SHANK2: variants seen among roughly 807,000 people sequenced by gnomAD.
SHANK2 encodes SH3 and multiple ankyrin repeat domains 2, also known as SH3 and multiple ankyrin repeat domains protein 2.
In SHANK2, 43 loss-of-function variants were observed where a neutral mutation model predicts 133.7. That is an observed-to-expected ratio of 0.32 (90% CI 0.25 to 0.41). SHANK2 has a LOEUF of 0.41. SHANK2 is among the 10% of genes least tolerant of loss of function. The probability of loss-of-function intolerance (pLI) is 1.00; values close to 1 mark genes in which losing one functional copy is unlikely to be tolerated. For synonymous variants in SHANK2, 1,017 were observed against 952.8 expected (o/e 1.07, Z -1.24); for missense variants, 1,994 against 2,235.8 (o/e 0.89, Z 2.18).
intron 11 of SHANK2, among the ~76,000 whole-genome samples, chr11:70,823,451 A>G (rs1209991127): frequency 2.5e-4 from 20 of 79,404 alleles, no homozygotes; most frequent in South Asian, 5.1e-4. Flanking sequence ...CAGAGGTCAT[A>G]GGGGACAGAG....
chr11:71,120,702 C>A (rs79439965), intron 3 of SHANK2, among the ~76,000 whole-genome samples: 1 of 152,192 alleles, frequency 6.6e-6, no homozygotes, highest in Non-Finnish European at 1.5e-5. Flanking sequence ...GCACCCTCCC[C>A]CATCCTTGGC....
intron 3 of SHANK2, among the ~76,000 whole-genome samples, chr11:71,137,045 T>A (rs868973419): frequency 6.6e-6 from 1 of 152,184 alleles, no homozygotes. Flanking sequence ...GTATTTTTAG[T>A]AGAGACTGGA....
intron 14 of SHANK2, among the ~76,000 whole-genome samples, chr11:70,727,553 G>A (rs1946201823): frequency 6.6e-6 from 1 of 152,182 alleles, no homozygotes; most frequent in African/African-American, 2.4e-5. Flanking sequence ...TGGTATTCTG[G>A]CCCTATTGCT....
At position 70,487,399 on chromosome 11, in the gene SHANK2, T is replaced by C; in HGVS notation, c.2894A>G (p.Asp965Gly). 6.2e-7 allele frequency: 1 copy of C among 1,613,962 alleles called. No individual in the cohort carries two copies. The highest frequency in any genetic ancestry group is 8.5e-7 in the Non-Finnish European group (1 of 1,180,000). ...CGGGCCGGCATTCCGACTGTAGAGG[T>C]CTTCAGAGTCCAAGGAGTAGCGGTC... ...ELDRYSLDSE[D>G]LYSRNAGPQA... is the part of the protein sequence containing the mutation. The change falls in exon 25 of 26, where the codon GAC (aspartate) becomes GGC (glycine). Residue 965 changes from aspartate to glycine, a missense_variant. Asp to Gly is a moderately conservative substitution (Grantham distance 94). This residue lies in a region of SHANK2 where 488 missense variants were observed against 642.6 expected (regional missense o/e 0.76). Coordinates refer to ENST00000601538, the MANE Select transcript of SHANK2 (RefSeq NM_012309.5). The surrounding 1 kb of genome is among the most constrained non-coding windows in gnomAD (Gnocchi z 5.8).
chr11:70,598,982 T>TTTTTTTAAGAAA (rs2060438913), intron 17 of SHANK2, among the ~76,000 whole-genome samples: 1 of 150,300 alleles, frequency 6.7e-6, no homozygotes, highest in Non-Finnish European at 1.5e-5. Flanking sequence ...TTTTTTTTTT[T>TTTTTTTAAGAAA]AAAGATCAAG....
chr11:70,900,407 A>G (rs192725439), intron 10 of SHANK2, among the ~76,000 whole-genome samples: 1 of 152,224 alleles, frequency 6.6e-6, no homozygotes, highest in Admixed American at 6.5e-5. Context: ...GTCTTCAAAC[A>G]CTGCAGACTG....
chr11:70,869,693 G>C (rs537478047), intron 11 of SHANK2, among the ~76,000 whole-genome samples: 1 of 152,122 alleles, frequency 6.6e-6, no homozygotes, highest in East Asian at 1.9e-4. Context: ...CCCTGGGCTC[G>C]GTGACCACCG....
chr11:71,243,641 G>A (rs192546306), intron 1 of SHANK2, among the ~76,000 whole-genome samples: 55 of 152,292 alleles, frequency 3.6e-4, no homozygotes, highest in Admixed American at 2.2e-3. Context: ...CTTGCAGTGA[G>A]CTGAGATCAC....
intron 11 of SHANK2, among the ~76,000 whole-genome samples, chr11:70,825,196 T>G (rs1320179460): frequency 6.6e-6 from 1 of 152,128 alleles, no homozygotes; most frequent in Non-Finnish European, 1.5e-5. Context: ...GTCCTGGCAG[T>G]TGCTAAGATA....
rs187184983 is a variant in SHANK2 at position 70,540,404 on chromosome 11, A to G, written c.2062-37473T>C. On this transcript the variant is annotated intron_variant, in intron 17 of 25. Coordinates refer to ENST00000601538, the MANE Select transcript of SHANK2 (RefSeq NM_012309.5). ...TCCCTCCTGTGGAGTCGAGGTGATG[A>G]AGGCAGGCTGGGGCTCCTCTCTCCT... Among the ~76,000 whole-genome samples, 505 of 152,066 alleles carry G rather than the reference A, an allele frequency of 3.3e-3. 6 individuals carry two copies. Among genetic ancestry groups the G allele is most frequent in the African/African-American group, 0.012 (483 of 41,494 alleles).
intron 17 of SHANK2, 44 bp from the exon 18 acceptor site, chr11:70,502,975 G>GA: frequency 6.2e-7 from 1 of 1,611,612 alleles, no homozygotes; most frequent in Non-Finnish European, 8.5e-7. Context: ...AGCCAGCGGA[G>GA]AGGAAGACAG....
chr11:70,885,323 C>T (rs913050916), intron 11 of SHANK2, among the ~76,000 whole-genome samples: 18 of 152,120 alleles, frequency 1.2e-4, no homozygotes, highest in East Asian at 1.9e-4. Context: ...TGCCCAGGAC[C>T]GGGGAGCAAA....
chr11:70,876,836 G>T (rs1230862936), intron 11 of SHANK2, among the ~76,000 whole-genome samples: 1 of 152,140 alleles, frequency 6.6e-6, no homozygotes, highest in South Asian at 2.1e-4. Context: ...ATCAGAAGGG[G>T]CCAGCATGCT....
intron 11 of SHANK2, chr11:70,826,667 G>A (rs1025584058): frequency 5.2e-6 from 2 of 383,478 alleles, no homozygotes; most frequent in African/African-American, 2.1e-5. Context: ...GGGCATGCCA[G>A]ACCCAGCGTG....
intron 17 of SHANK2, among the ~76,000 whole-genome samples, chr11:70,574,649 AC>A (rs1195881465): frequency 7.7e-6 from 1 of 129,528 alleles, no homozygotes; most frequent in African/African-American, 2.6e-5. Context: ...CCCTGGCTCC[AC>A]CACGGAGCAG....
chr11:70,510,248 C>T (rs1554969095), intron 17 of SHANK2, among the ~76,000 whole-genome samples: 24 of 152,158 alleles, frequency 1.6e-4, no homozygotes, highest in Non-Finnish European at 7.4e-5. Context: ...TGTTAGCAAA[C>T]CTGGGGCCAA....
chr11:71,225,835 T>C (rs1297634099), intron 1 of SHANK2, among the ~76,000 whole-genome samples: 3 of 152,180 alleles, frequency 2.0e-5, no homozygotes, highest in African/African-American at 7.2e-5. Context: ...GTGAAAATGA[T>C]AGAACTGGCC....
At chr11:71,092,675 C>T in intron 7 of SHANK2, 86 bp from the exon 8 acceptor site, 1 of 1,374,542 alleles carries the variant, frequency 7.3e-7, no homozygotes, top group Non-Finnish European at 9.9e-7. Context: ...GCACCAGGAC[C>T]ACCCTCCCCC....
At chr11:70,842,581 C>G (rs183851081) in intron 11 of SHANK2, among the ~76,000 whole-genome samples, 6 of 152,326 alleles carry the variant, frequency 3.9e-5, no homozygotes, top group Admixed American at 3.3e-4. Context: ...GAGGGGTCAG[C>G]AGCCCTGCAC....
Sources: allele counts gnomAD v4.1 joint callset (sites outside exome capture counted in the v4.1 genomes callset), GRCh38; gene constraint gnomAD v4.1.1; regional missense constraint gnomAD v4.1.1; non-coding constraint Gnocchi (gnomAD v3.1); transcripts MANE v1.5; gene names NCBI Gene and HGNC (gene_info 2026-07-23, HGNC 2026-07-21).